SAMD13: variants seen among roughly 807,000 people sequenced by gnomAD.
The protein encoded by SAMD13 is sterile alpha motif domain containing 13.
SAMD13 carries 9 observed loss-of-function variants against 12.4 expected under a neutral mutation model. The ratio of observed to expected loss-of-function variants is 0.72; its 90% CI spans 0.44 to 1.26. SAMD13 has a LOEUF of 1.26. Ranked by LOEUF, SAMD13 falls within the 50% of genes most tolerant of loss-of-function variation. The probability of loss-of-function intolerance (pLI) is 0.00; values close to 1 mark genes in which losing one functional copy is unlikely to be tolerated. For synonymous variants in SAMD13, 46 were observed against 45.4 expected (o/e 1.01, Z -0.05); for missense variants, 84 against 119.6 (o/e 0.70, Z 1.39).
chr1:84,303,419 A>G, intron 2 of SAMD13, 132 bp downstream of exon 2: 1 of 636,012 alleles, frequency 1.6e-6, no homozygotes, highest in Admixed American at 2.6e-5. Flanking sequence ...ACTGGCCAGC[A>G]GCCTCCCTTC....
chr1:84,313,905 T>G (rs1678770716), intron 2 of SAMD13, among the ~76,000 whole-genome samples: 1 of 152,124 alleles, frequency 6.6e-6, no homozygotes, highest in African/African-American at 2.4e-5. Context: ...TGTTGTAAGG[T>G]TTTGAACTAA....
rs567435213 is a variant in SAMD13 at position 84,328,924 on chromosome 1, T to C, written c.165+3176T>C. The stretch of plus-strand genomic sequence containing the variant: ...TGGAGAGCATCCCCTAAACCACTTT[T>C]GAAAAGGGCAAGTCCAGAAAGGGCA... On this transcript the variant is annotated intron_variant, in intron 3 of 3. Transcript: ENST00000394834. Among the ~76,000 whole-genome samples, 3 of 152,168 alleles carry C rather than the reference T, an allele frequency of 2.0e-5. No homozygotes were observed. The South Asian group carries it at 6.2e-4, about 32-fold the overall frequency.
upstream of SAMD13, chr1:84,299,743 G>T (rs957062312): frequency 1.8e-5 from 10 of 548,208 alleles, no homozygotes; most frequent in Admixed American, 5.1e-5. Flanking sequence ...TAGCTGGTAA[G>T]TGAAACCTGT....
At chr1:84,325,817 G>T in intron 3 of SAMD13, 69 bp downstream of exon 3, 1 of 925,914 alleles carries the variant, frequency 1.1e-6, no homozygotes, top group East Asian at 2.5e-5. Flanking sequence ...TCCCAACAGT[G>T]GGCAGAAGGG....
chr1:84,301,070 G>T (rs1678445514), upstream of SAMD13, among the ~76,000 whole-genome samples: 1 of 152,184 alleles, frequency 6.6e-6, no homozygotes, highest in South Asian at 2.1e-4. Flanking sequence ...TCATTTGGCA[G>T]GATAAATGCC....
intron 3 of SAMD13, among the ~76,000 whole-genome samples, chr1:84,348,995 T>C (rs1679592391): frequency 6.6e-6 from 1 of 152,084 alleles, no homozygotes; most frequent in Admixed American, 6.6e-5. Flanking sequence ...AATGTTGCAA[T>C]TGTGAGGACT....
At chr1:84,303,070 A>G (rs1297698017) in intron 1 of SAMD13, 133 bp from the exon 2 acceptor site, 1 of 627,430 alleles carries the variant, frequency 1.6e-6, no homozygotes, top group East Asian at 3.1e-5. Context: ...CGCCGAGGGA[A>G]CTGGAGATTT....
chr1:84,308,939 C>T (rs138893156), intron 2 of SAMD13, among the ~76,000 whole-genome samples: 11 of 152,240 alleles, frequency 7.2e-5, no homozygotes, highest in Non-Finnish European at 1.6e-4. Context: ...TGGGTTTGAC[C>T]TTGCTTTTGT....
At chr1:84,322,905 C>T (rs1186848851) in intron 2 of SAMD13, among the ~76,000 whole-genome samples, 4 of 152,082 alleles carry the variant, frequency 2.6e-5, no homozygotes, top group African/African-American at 4.8e-5. Flanking sequence ...ATCAGGAAAG[C>T]CTCCCATCTT....
In SAMD13 at chr1:84,331,354, A is replaced by AAAAAAAC. The variant is rs553761794; in HGVS notation, c.165+5610_165+5611insAACAAAA. 1.1e-3 allele frequency among the ~76,000 whole-genome samples: 89 copies of AAAAAAAC among 82,428 alleles called. 19 individuals are homozygous for AAAAAAAC. Among genetic ancestry groups the AAAAAAAC allele is most frequent in the Admixed American group, 2.1e-3 (13 of 6,150 alleles). The allele number at this position is 82,428 out of a possible 152,430, so 54.1% of individuals were successfully genotyped here. ...AAAAAAAAAAAAAAAAAAAAAAAAA[A>AAAAAAAC]AAAATTATGGATACAAACTTGTTAA... On this transcript the variant is annotated intron_variant, in intron 3 of 3. Coordinates refer to ENST00000394834, the MANE Select transcript of SAMD13 (RefSeq NM_001134663.2).
At chr1:84,312,446 A>C (rs959586542) in intron 2 of SAMD13, among the ~76,000 whole-genome samples, 5 of 151,626 alleles carry the variant, frequency 3.3e-5, no homozygotes, top group Non-Finnish European at 7.4e-5. Flanking sequence ...TTAATTATAT[A>C]ATAATTAAGA....
At chr1:84,329,116 C>A (rs1473807971) in intron 3 of SAMD13, among the ~76,000 whole-genome samples, 2 of 151,950 alleles carry the variant, frequency 1.3e-5, no homozygotes, top group Admixed American at 6.6e-5. Flanking sequence ...GAGGATGGAA[C>A]CCCCATGATG....
At chr1:84,330,820 A>G (rs887708008) in intron 3 of SAMD13, among the ~76,000 whole-genome samples, 1 of 152,190 alleles carries the variant, frequency 6.6e-6, no homozygotes, top group African/African-American at 2.4e-5. Context: ...TATTTTTCAG[A>G]TTTCTCAAAC....
intron 3 of SAMD13, among the ~76,000 whole-genome samples, chr1:84,333,917 G>A (rs1212608783): frequency 6.6e-6 from 1 of 151,944 alleles, no homozygotes; most frequent in Admixed American, 6.6e-5. Context: ...TTGATTGTGG[G>A]AGATTAGCTT....
chr1:84,348,993 A>G (rs1446705407), intron 3 of SAMD13, among the ~76,000 whole-genome samples: 4 of 152,132 alleles, frequency 2.6e-5, no homozygotes, highest in Admixed American at 2.6e-4. Context: ...CCAATGTTGC[A>G]ATTGTGAGGA....
intron 2 of SAMD13, among the ~76,000 whole-genome samples, chr1:84,320,651 A>G (rs560930164): frequency 6.6e-6 from 1 of 152,368 alleles, no homozygotes; most frequent in South Asian, 2.1e-4. Flanking sequence ...GTTTTAAGAC[A>G]TGAGCAAAGA....
At chr1:84,303,024 CCTCCAGTTCTTTAGGTTT>C in intron 1 of SAMD13, 161 bp from the exon 2 acceptor site, 1 of 519,786 alleles carries the variant, frequency 1.9e-6, no homozygotes, top group Non-Finnish European at 3.5e-6. Flanking sequence ...CAATCCGTCT[CCTCCAGTTCTTTAGGTTT>C]AATCACATCT....
intron 3 of SAMD13, chr1:84,344,836 A>G (rs1409647956): frequency 8.8e-6 from 4 of 453,788 alleles, no homozygotes; most frequent in Non-Finnish European, 1.8e-5. Context: ...CAAGAGGCCT[A>G]TGAGGTCTTG....
chr1:84,349,875 TA>T lies in SAMD13; in HGVS notation c.*104del, dbSNP rs1359154019. 3.4e-6 allele frequency: 5 copies of T among 1,469,636 alleles called. No individual in the cohort carries two copies. Among genetic ancestry groups the T allele is most frequent in the Non-Finnish European group, 4.5e-6 (5 of 1,112,172 alleles). 91.0% of individuals were successfully genotyped at this position (1,469,636 alleles called of 1,614,324 possible). On this transcript the variant is annotated 3_prime_UTR_variant, in exon 4 of 4. Transcript: ENST00000394834. ...AACAGAATACATACATGTGTATATG[TA>T]AAGAATTTCAATCAAATGAAACGTT...
Sources: allele counts gnomAD v4.1 joint callset (sites outside exome capture counted in the v4.1 genomes callset), GRCh38; gene constraint gnomAD v4.1.1; transcripts MANE v1.5; gene names NCBI Gene and HGNC (gene_info 2026-07-23, HGNC 2026-07-21).